FANCB: variants seen among roughly 807,000 people sequenced by gnomAD.
FANCB encodes FA complementation group B, also known as Fanconi anemia group B protein.
A neutral mutation model predicts 38.9 loss-of-function variants in FANCB; 5 were observed. That is an observed-to-expected ratio of 0.13 (90% confidence interval 0.07 to 0.27). The LOEUF (loss-of-function observed/expected upper bound fraction) is 0.27, where lower values mean the gene tolerates loss of function less well. Among genes scored for constraint, FANCB ranks in the 10% least tolerant of loss-of-function variants. The probability of loss-of-function intolerance (pLI) is 1.00; values close to 1 mark genes in which losing one functional copy is unlikely to be tolerated. For missense variants in FANCB, 573 were observed against 602.7 expected (o/e 0.95, Z 0.52); for synonymous variants, 236 against 215.4 (o/e 1.10, Z -0.84).
the FANCB span, among the ~76,000 whole-genome samples, chrX:14,809,957 C>A: frequency 8.9e-6 from 1 of 112,038 alleles, no homozygotes; most frequent in African/African-American, 3.2e-5. Context: ...TGACACCTCA[C>A]ACGGCCGGGT....
chrX:14,803,499 T>C, the FANCB span, among the ~76,000 whole-genome samples: 8 of 112,641 alleles, frequency 7.1e-5, no homozygotes, highest in Non-Finnish European at 1.5e-4. Context: ...TTTAATCTAT[T>C]ATCTTAAAAA....
the FANCB span, among the ~76,000 whole-genome samples, chrX:14,720,435 G>A: frequency 8.9e-6 from 1 of 111,766 alleles, no homozygotes; most frequent in South Asian, 3.8e-4. Flanking sequence ...GAAAACCTGG[G>A]AACTAAAGAG....
chrX:14,755,884 C>T, the FANCB span, among the ~76,000 whole-genome samples: 4 of 111,742 alleles, frequency 3.6e-5, no homozygotes, highest in Non-Finnish European at 7.5e-5. Flanking sequence ...AAGCATCACA[C>T]TCTGTAATTT....
chrX:14,747,813 G>A, the FANCB span, among the ~76,000 whole-genome samples: 17 of 112,284 alleles, frequency 1.5e-4, no homozygotes, highest in African/African-American at 5.5e-4. Flanking sequence ...TTCTTCATGC[G>A]TGGACATTTT....
At chrX:14,694,389 G>A in the FANCB span, among the ~76,000 whole-genome samples, 1 of 112,122 alleles carries the variant, frequency 8.9e-6, no homozygotes, top group Non-Finnish European at 1.9e-5. Context: ...TGTGAATATA[G>A]TAGAGAATGA....
the FANCB span, among the ~76,000 whole-genome samples, chrX:14,790,642 C>G: frequency 3.6e-5 from 4 of 112,127 alleles, no homozygotes; most frequent in African/African-American, 3.2e-5. Context: ...TATGGGCGAT[C>G]ACATAGTTGT....
intron 3 of FANCB, among the ~76,000 whole-genome samples, chrX:14,861,185 A>G (rs4830912): frequency 0.19 from 20,865 of 111,187 alleles, 1,824 homozygotes; most frequent in Non-Finnish European, 0.27. Flanking sequence ...CACCCGGCCA[A>G]TGACCTCAAT....
At chrX:14,865,962 G>A (rs1430951808) in intron 2 of FANCB, among the ~76,000 whole-genome samples, 1 of 111,666 alleles carries the variant, frequency 9.0e-6, no homozygotes, top group Non-Finnish European at 1.9e-5. Flanking sequence ...CTCTGCCTTA[G>A]CCCCTTTAGA....
the FANCB span, among the ~76,000 whole-genome samples, chrX:14,788,273 T>TGGG: frequency 9.0e-6 from 1 of 111,213 alleles, no homozygotes; most frequent in Non-Finnish European, 1.9e-5. Flanking sequence ...ACTGACGCAG[T>TGGG]TACCCACTAC....
the FANCB span, among the ~76,000 whole-genome samples, chrX:14,754,188 CA>C: frequency 3.6e-5 from 4 of 112,659 alleles, no homozygotes; most frequent in Non-Finnish European, 5.6e-5. Context: ...TGAACTGCTG[CA>C]GTTAAACTCA....
the FANCB span, among the ~76,000 whole-genome samples, chrX:14,740,540 A>G: frequency 8.9e-6 from 1 of 112,108 alleles, no homozygotes; most frequent in African/African-American, 3.2e-5. Flanking sequence ...AGTTTTCTTT[A>G]AACAGCCAGG....
the FANCB span, among the ~76,000 whole-genome samples, chrX:14,773,282 A>G: frequency 8.9e-6 from 1 of 112,726 alleles, no homozygotes; most frequent in Non-Finnish European, 1.9e-5. Flanking sequence ...TCTAGGATGC[A>G]TGCATGCCTT....
chrX:14,783,984 C>T, the FANCB span, among the ~76,000 whole-genome samples: 5 of 112,262 alleles, frequency 4.5e-5, no homozygotes, highest in Non-Finnish European at 9.4e-5. Flanking sequence ...CCGAGGCAGG[C>T]GGATCACCTG....
the FANCB span, among the ~76,000 whole-genome samples, chrX:14,827,786 C>T: frequency 1.8e-5 from 2 of 112,168 alleles, no homozygotes; most frequent in East Asian, 5.6e-4. Flanking sequence ...GCTCCTTCCA[C>T]TGACCATCTC....
intron 9 of FANCB, among the ~76,000 whole-genome samples, 191 bp downstream of exon 9, chrX:14,844,312 A>C (rs1187219744): frequency 9.0e-6 from 1 of 111,420 alleles, no homozygotes; most frequent in Non-Finnish European, 1.9e-5. Flanking sequence ...AAAGCCAAAA[A>C]CAAATATAAA....
At chrX:14,825,605 T>C in the FANCB span, among the ~76,000 whole-genome samples, 1 of 112,453 alleles carries the variant, frequency 8.9e-6, no homozygotes, top group African/African-American at 3.2e-5. Flanking sequence ...ATTTTGAACA[T>C]ATCATTTAAC....
chrX:14,783,206 C>G, the FANCB span, among the ~76,000 whole-genome samples: 1 of 112,408 alleles, frequency 8.9e-6, no homozygotes, highest in Non-Finnish European at 1.9e-5. Context: ...ATCCAAAAAT[C>G]TAACTCAGAC....
intron 5 of FANCB, among the ~76,000 whole-genome samples, chrX:14,856,066 T>C (rs1182892828): frequency 2.7e-5 from 3 of 112,327 alleles, no homozygotes; most frequent in Non-Finnish European, 5.6e-5. Flanking sequence ...TAAAGTACTT[T>C]GGCATCATTT....
At position 14,844,995 on chromosome X, in the gene FANCB, A is replaced by C; in HGVS notation, c.1788T>G (p.Thr596=). 8.3e-7 allele frequency: 1 copy of C among 1,209,403 alleles called. No homozygotes were observed. ...PLLTFSKFCC[T]VLLQIMERES... ...CTCTCTCCATAATTTGTAGCAGTAC[A>C]GTGCAACAAAATTTACTGAATGTTA... is the stretch of plus-strand genomic sequence containing the variant. Residue 596 remains threonine (T), a synonymous_variant, in exon 8 of 10, where the codon ACT becomes ACG. Coordinates refer to ENST00000650831, the MANE Select transcript of FANCB (RefSeq NM_001018113.3).
Sources: allele counts gnomAD v4.1 joint callset (sites outside exome capture counted in the v4.1 genomes callset), GRCh38; gene constraint gnomAD v4.1.1; transcripts MANE v1.5; gene names NCBI Gene and HGNC (gene_info 2026-07-23, HGNC 2026-07-21).